Variants in UNC5A observed in about 807,000 individuals in gnomAD.
UNC5A encodes netrin receptor UNC5A.
UNC5A carries 20 observed loss-of-function variants against 87.4 expected under a neutral mutation model. That is an observed-to-expected ratio of 0.23 (90% CI 0.16 to 0.33). The LOEUF (loss-of-function observed/expected upper bound fraction) is 0.33, where lower values mean the gene tolerates loss of function less well. UNC5A is among the 10% of genes least tolerant of loss of function. The pLI, the probability that UNC5A is intolerant of heterozygous loss-of-function variation, is 1.00. For missense variants in UNC5A, 844 were observed against 1,133.4 expected (o/e 0.74, Z 3.67); for synonymous variants, 438 against 482.3 (o/e 0.91, Z 1.20).
Position 176,879,890 on chromosome 5 carries a change from C to G in UNC5A, c.*4C>G, listed in dbSNP as rs772433284. 6.2e-7 allele frequency: 1 copy of G among 1,608,894 alleles called. No homozygotes were observed. The highest frequency in any genetic ancestry group is 8.5e-7 in the Non-Finnish European group (1 of 1,178,780). Reference sequence around the variant, plus strand: ...AGTGTCGGAGGCTGAGTGCTGAGGCCGGCCAGGCCCGACACCTACACTCTC... The same window carrying G: ...AGTGTCGGAGGCTGAGTGCTGAGGCGGGCCAGGCCCGACACCTACACTCTC... On this transcript the variant is annotated 3_prime_UTR_variant, in exon 15 of 15. Transcript: ENST00000329542.
At chr5:176,814,148 A>C (rs1756533735) in intron 1 of UNC5A, among the ~76,000 whole-genome samples, 1 of 151,004 alleles carries the variant, frequency 6.6e-6, no homozygotes, top group South Asian at 2.1e-4. Context: ...AGCCACCACC[A>C]CCCATCCCCC....
intron 14 of UNC5A, 63 bp from the exon 15 acceptor site, chr5:176,879,658 G>T (rs372680251): frequency 2.7e-5 from 43 of 1,590,432 alleles, no homozygotes; most frequent in African/African-American, 5.4e-5. Context: ...GGTGGGCCAG[G>T]GGGGGCAGGA....
chr5:176,835,753 G>A (rs491788), intron 1 of UNC5A, among the ~76,000 whole-genome samples: 15,064 of 151,576 alleles, frequency 0.099, 1,747 homozygotes, highest in African/African-American at 0.27. Context: ...GTGTGTGTGT[G>A]TGTGTGTGTC....
chr5:176,843,402 C>G (rs893950537), intron 1 of UNC5A, among the ~76,000 whole-genome samples: 1 of 150,112 alleles, frequency 6.7e-6, no homozygotes, highest in African/African-American at 2.5e-5. Flanking sequence ...CGGTGACATT[C>G]TAGAAATGGC....
At chr5:176,868,742 C>G in intron 4 of UNC5A, 42 bp from the exon 5 acceptor site, 2 of 1,587,680 alleles carry the variant, frequency 1.3e-6, no homozygotes, top group Middle Eastern at 3.4e-4. Flanking sequence ...CTGGGCAGGG[C>G]CAGCATGGGC....
chr5:176,874,294 A>G lies in UNC5A; in HGVS notation c.1106A>G (p.Asp369Gly), dbSNP rs201464758. ...DNPHLLTIQP[D>G]LSTTTTTYQG... ...CCCCATCTGCTCACCATCCAGCCGG[A>G]CCTCAGCACCACCACCACCACCTAC... Residue 369 changes from aspartate (D) to glycine (G), a missense_variant, in exon 8 of 15, where the codon GAC (aspartate) becomes GGC (glycine). Around this residue, in one of 3 missense-constraint regions of UNC5A, gnomAD observed 353 missense variants for 387.5 expected, o/e 0.91. Coordinates refer to ENST00000329542, the MANE Select transcript of UNC5A (RefSeq NM_133369.3). This position sits in a 1 kb window ranked among gnomAD's most constrained non-coding sequence, Gnocchi z 7.6. 1 of 1,603,508 alleles carries G rather than the reference A, an allele frequency of 6.2e-7. No individual in the cohort carries two copies. The highest frequency in any genetic ancestry group is 2.2e-5 in the East Asian group (1 of 44,734).
At chr5:176,873,753 T>C (rs1758188005) in intron 6 of UNC5A, among the ~76,000 whole-genome samples, 2 of 152,196 alleles carry the variant, frequency 1.3e-5, no homozygotes, top group Non-Finnish European at 2.9e-5. Flanking sequence ...CCACGAGGAA[T>C]GTGATTTGCT....
chr5:176,878,756 C>T (rs1758333291), intron 13 of UNC5A, 117 bp downstream of exon 13: 3 of 1,338,980 alleles, frequency 2.2e-6, no homozygotes, highest in Non-Finnish European at 3.1e-6. Context: ...CCGCCTGTCC[C>T]CAGGCCCACC....
At chr5:176,840,353 G>A (rs1253780577) in intron 1 of UNC5A, among the ~76,000 whole-genome samples, 1 of 152,170 alleles carries the variant, frequency 6.6e-6, no homozygotes, top group East Asian at 1.9e-4. Flanking sequence ...GCAGGGACAG[G>A]CTGGGCTGTG....
chr5:176,835,828 AT>A (rs535490255), intron 1 of UNC5A, among the ~76,000 whole-genome samples: 1 of 152,106 alleles, frequency 6.6e-6, no homozygotes, highest in East Asian at 1.9e-4. Flanking sequence ...GTCTTAACAG[AT>A]TCATCTGGAA....
At chr5:176,815,606 G>A (rs1261480213) in intron 1 of UNC5A, among the ~76,000 whole-genome samples, 1 of 152,232 alleles carries the variant, frequency 6.6e-6, no homozygotes, top group African/African-American at 2.4e-5. Context: ...ACACCTAGTA[G>A]GTGCCATAGC....
In UNC5A at chr5:176,844,469, G is replaced by A. The variant is rs1386538676; in HGVS notation, c.71-18155G>A. Among the ~76,000 whole-genome samples the A allele has an allele frequency of 2.6e-5, 4 of 152,176 alleles. No individual in the cohort carries two copies. Among genetic ancestry groups the A allele is most frequent in the Admixed American group, 2.6e-4 (4 of 15,284 alleles). On this transcript the variant is annotated intron_variant, in intron 1 of 14. Transcript: ENST00000329542. The surrounding 1 kb of genome is among the most constrained non-coding windows in gnomAD (Gnocchi z 4.2). Reference sequence around the variant, plus strand: ...GTCCCAGCTGAGCGAGAAGGGACACGGGATGATATGAGCTGGCCGTGGGCG... The same window carrying A: ...GTCCCAGCTGAGCGAGAAGGGACACAGGATGATATGAGCTGGCCGTGGGCG...
rs1461360793 is a variant in UNC5A at position 176,874,643 on chromosome 5, G to A, written c.1378+77G>A. On this transcript the variant is annotated intron_variant, in intron 8 of 14. Coordinates refer to ENST00000329542, the MANE Select transcript of UNC5A (RefSeq NM_133369.3). The surrounding 1 kb of genome is among the most constrained non-coding windows in gnomAD (Gnocchi z 7.6). ...GACGGGACAGCCGGACGTTCCTCTC[G>A]TGCCCCTCGGTGTCCCGTGACAGAT... The A allele has an allele frequency of 7.6e-6, 11 of 1,438,816 alleles. No homozygotes were observed. Among genetic ancestry groups the A allele is most frequent in the African/African-American group, 5.8e-5 (4 of 69,522 alleles). The allele number at this position is 1,438,816 out of a possible 1,614,324, so 89.1% of individuals were successfully genotyped here. A position where few individuals can be genotyped will look rare whatever the true frequency, so the allele number is the denominator to read the frequency against.
intron 1 of UNC5A, among the ~76,000 whole-genome samples, chr5:176,827,354 T>G (rs1051615785): frequency 1.1e-4 from 16 of 152,048 alleles, no homozygotes; most frequent in African/African-American, 3.6e-4. Flanking sequence ...AGCCAATTTT[T>G]GTATTTTTAG....
intron 1 of UNC5A, among the ~76,000 whole-genome samples, chr5:176,842,122 G>A (rs556574469): frequency 7.2e-5 from 11 of 152,360 alleles, no homozygotes; most frequent in Middle Eastern, 3.4e-3. Flanking sequence ...GCGTGAACCC[G>A]GGAGGCGGAG....
intron 1 of UNC5A, among the ~76,000 whole-genome samples, chr5:176,815,787 T>G (rs916154010): frequency 1.3e-5 from 2 of 152,072 alleles, no homozygotes; most frequent in African/African-American, 4.8e-5. Flanking sequence ...CAGGGGCCCC[T>G]TCTGGTTGGA....
rs1285414321 is a variant in UNC5A at position 176,831,883 on chromosome 5, C to CTTT, written c.70+21064_70+21065insTTT. On this transcript the variant is annotated intron_variant, in intron 1 of 14. Transcript: ENST00000329542. The stretch of plus-strand genomic sequence containing the variant: ...TTTCACTTTCACACACTTTCTCTCT[C>CTTT]TCTTTTTTTTTTTTTTTTTTTTTTT... Among the ~76,000 whole-genome samples, 52 of 115,298 alleles carry CTTT rather than the reference C, an allele frequency of 4.5e-4. 2 individuals carry two copies. Among genetic ancestry groups the CTTT allele is most frequent in the African/African-American group, 1.9e-3 (51 of 27,278 alleles). The allele number at this position is 115,298 out of a possible 152,430, so 75.6% of individuals were successfully genotyped here. A position where few individuals can be genotyped will look rare whatever the true frequency, so the allele number is the denominator to read the frequency against.
intron 2 of UNC5A, among the ~76,000 whole-genome samples, chr5:176,863,801 T>TGCTCC (rs1180502090): frequency 6.4e-5 from 1 of 15,588 alleles, no homozygotes; most frequent in African/African-American, 2.3e-4. Context: ...CCTTCTTCCC[T>TGCTCC]CCTTCCCCTC....
In UNC5A at chr5:176,874,358, C is replaced by G; in HGVS notation, c.1170C>G (p.Pro390=). The change falls in exon 8 of 15, where the codon CCC becomes CCG. Residue 390 remains proline, a synonymous_variant. Transcript: ENST00000329542. The surrounding 1 kb of genome is among the most constrained non-coding windows in gnomAD (Gnocchi z 7.6). Reference sequence around the variant, plus strand: ...GTCCCCGGCAGGATGGGCCCAGCCCCAAGTTCCAGCTCACCAATGGGCACC... The same window carrying G: ...GTCCCCGGCAGGATGGGCCCAGCCCGAAGTTCCAGCTCACCAATGGGCACC... ...SLCPRQDGPS[P]KFQLTNGHLL... The G allele has an allele frequency of 6.2e-7, 1 of 1,613,772 alleles. No individual in the cohort carries two copies. The highest frequency in any genetic ancestry group is 8.5e-7 in the Non-Finnish European group (1 of 1,179,930).
Sources: allele counts gnomAD v4.1 joint callset (sites outside exome capture counted in the v4.1 genomes callset), GRCh38; gene constraint gnomAD v4.1.1; regional missense constraint gnomAD v4.1.1; non-coding constraint Gnocchi (gnomAD v3.1); transcripts MANE v1.5; gene names NCBI Gene and HGNC (gene_info 2026-07-23, HGNC 2026-07-21).